The following CBLB variants were observed in gnomAD, a reference collection of about 807,000 sequenced individuals.
CBLB encodes the protein Cbl proto-oncogene B.
A neutral mutation model predicts 104.9 loss-of-function variants in CBLB; 31 were observed. The observed-to-expected ratio is 0.30, with a 90% CI of 0.22 to 0.40. The LOEUF (loss-of-function observed/expected upper bound fraction) is 0.40, where lower values mean the gene tolerates loss of function less well. Ranked by LOEUF, CBLB falls within the 10% of genes least tolerant of loss-of-function variation. The probability of loss-of-function intolerance (pLI) is 1.00; values close to 1 mark genes in which losing one functional copy is unlikely to be tolerated. For synonymous variants in CBLB, 440 were observed against 422.6 expected (o/e 1.04, Z -0.51); for missense variants, 1,062 against 1,214.6 (o/e 0.87, Z 1.87).
intron 8 of CBLB, among the ~76,000 whole-genome samples, chr3:105,735,658 A>T (rs2074839383): frequency 6.6e-6 from 1 of 152,206 alleles, no homozygotes; most frequent in South Asian, 2.1e-4. Flanking sequence ...TAAATTTAAA[A>T]TGGCAATCAT....
chr3:105,782,336 C>A (rs1238750155), intron 3 of CBLB, among the ~76,000 whole-genome samples: 1 of 152,170 alleles, frequency 6.6e-6, no homozygotes, highest in Admixed American at 6.5e-5. Flanking sequence ...GAAACACAGG[C>A]AGGACAATTT....
chr3:105,805,327 G>C (rs2083369475), intron 3 of CBLB, among the ~76,000 whole-genome samples: 2 of 148,786 alleles, frequency 1.3e-5, no homozygotes, highest in African/African-American at 5.0e-5. Context: ...TTTTGAGAGG[G>C]AGTCTCACCC....
At chr3:105,659,774 C>A (rs928003505) in intron 18 of CBLB, among the ~76,000 whole-genome samples, 5 of 151,952 alleles carry the variant, frequency 3.3e-5, no homozygotes, top group Non-Finnish European at 5.9e-5. Context: ...ATTTTCCTAG[C>A]TGATTTTTCA....
intron 4 of CBLB, among the ~76,000 whole-genome samples, chr3:105,754,702 C>G (rs572802554): frequency 6.6e-6 from 1 of 152,258 alleles, no homozygotes; most frequent in African/African-American, 2.4e-5. Flanking sequence ...AAGTAACTGT[C>G]AATCTACAAA....
At chr3:105,852,110 T>C (rs2091017293) in intron 3 of CBLB, among the ~76,000 whole-genome samples, 1 of 152,228 alleles carries the variant, frequency 6.6e-6, no homozygotes, top group Non-Finnish European at 1.5e-5. Context: ...AGGGTATTCC[T>C]TCTACTTATT....
chr3:105,679,772 CAAA>C (rs35237641), intron 16 of CBLB, among the ~76,000 whole-genome samples: 3 of 145,278 alleles, frequency 2.1e-5, no homozygotes, highest in Non-Finnish European at 1.5e-5. Flanking sequence ...AAGACTGTCT[CAAA>C]AAAAAAAAAA....
At chr3:105,660,885 T>C (rs1279059841) in intron 18 of CBLB, among the ~76,000 whole-genome samples, 2 of 151,982 alleles carry the variant, frequency 1.3e-5, no homozygotes, top group Non-Finnish European at 2.9e-5. Flanking sequence ...TATACAATTA[T>C]AGCAATATCA....
In CBLB at chr3:105,797,089, T is replaced by C. The variant is rs184193741; in HGVS notation, c.420-20547A>G. 3.8e-3 allele frequency among the ~76,000 whole-genome samples: 573 copies of C among 152,328 alleles called. 1 individual carries two copies. The highest frequency in any genetic ancestry group is 7.3e-3 in the Admixed American group (111 of 15,296). Reference sequence around the variant, plus strand: ...CCCAGCAATTCCATTATTGTGTATATACCCAAAGGAATATAAATCATTCTA... The same window carrying C: ...CCCAGCAATTCCATTATTGTGTATACACCCAAAGGAATATAAATCATTCTA... On this transcript the variant is annotated intron_variant, in intron 3 of 18. Transcript: ENST00000394030.
intron 13 of CBLB, among the ~76,000 whole-genome samples, chr3:105,692,867 A>G (rs2067882592): frequency 6.7e-6 from 1 of 149,790 alleles, no homozygotes; most frequent in Admixed American, 6.8e-5. Flanking sequence ...GAAGATATCA[A>G]TGAGAGATAT....
At chr3:105,842,230 C>A (rs1334323136) in intron 3 of CBLB, among the ~76,000 whole-genome samples, 1 of 152,126 alleles carries the variant, frequency 6.6e-6, no homozygotes, top group African/African-American at 2.4e-5. Flanking sequence ...AAGTGATGAC[C>A]CCTTGCCTAA....
intron 3 of CBLB, among the ~76,000 whole-genome samples, chr3:105,784,144 T>G (rs188491457): frequency 2.0e-5 from 3 of 152,336 alleles, no homozygotes; most frequent in African/African-American, 7.2e-5. Flanking sequence ...GGAAAACTCT[T>G]TATCTTTAGT....
chr3:105,869,062 C>A (rs1008614676), upstream of CBLB: 27 of 289,632 alleles, frequency 9.3e-5, 2 homozygotes, highest in East Asian at 6.6e-4. Context: ...CGGGGCGGGG[C>A]GGGGGCGGGG....
chr3:105,765,659 T>C (rs774179314), intron 4 of CBLB, among the ~76,000 whole-genome samples: 1 of 152,196 alleles, frequency 6.6e-6, no homozygotes, highest in African/African-American at 2.4e-5. Flanking sequence ...CTACTCTTCC[T>C]GTGCTCTACA....
At chr3:105,728,558 G>T (rs2073952406) in intron 9 of CBLB, among the ~76,000 whole-genome samples, 1 of 152,118 alleles carries the variant, frequency 6.6e-6, no homozygotes, top group African/African-American at 2.4e-5. Flanking sequence ...CCTCACAAAG[G>T]AAGATGTGCA....
Position 105,658,130 on chromosome 3 carries a change from G to A in CBLB, c.*840C>T, listed in dbSNP as rs943314875. 6.0e-5 allele frequency: 13 copies of A among 217,134 alleles called. No individual in the cohort carries two copies. Among genetic ancestry groups the A allele is most frequent in the Non-Finnish European group, 1.2e-4 (13 of 107,882 alleles). 13.5% of individuals were successfully genotyped at this position (217,134 alleles called of 1,614,324 possible). ...CAGTACAGCATTGTCTTATACAAGT[G>A]TTCTCTCTTCCACATCTGTAGTAGC... On this transcript the variant is annotated 3_prime_UTR_variant, in exon 19 of 19. Coordinates refer to ENST00000394030, the MANE Select transcript of CBLB (RefSeq NM_170662.5).
At chr3:105,788,320 T>A (rs1484203958) in intron 3 of CBLB, among the ~76,000 whole-genome samples, 1 of 152,000 alleles carries the variant, frequency 6.6e-6, no homozygotes, top group East Asian at 1.9e-4. Flanking sequence ...TTGAAGGTAA[T>A]ATATTACAAC....
chr3:105,688,453 A>T (rs2067271174), intron 13 of CBLB, among the ~76,000 whole-genome samples: 1 of 152,060 alleles, frequency 6.6e-6, no homozygotes, highest in African/African-American at 2.4e-5. Context: ...ACCAAGAAAC[A>T]AGTGAATTTT....
intron 17 of CBLB, 52 bp downstream of exon 17, chr3:105,678,379 T>G (rs2065899334): frequency 1.3e-6 from 2 of 1,551,182 alleles, no homozygotes; most frequent in Non-Finnish European, 1.8e-6. Flanking sequence ...AGTATGGTTT[T>G]GGAAATATTT....
intron 9 of CBLB, among the ~76,000 whole-genome samples, chr3:105,721,950 A>G (rs1268893321): frequency 6.6e-6 from 1 of 152,174 alleles, no homozygotes. Context: ...ACAGATTTAC[A>G]TAAGACAATT....
Sources: gnomAD v4.1 joint callset for allele counts (sites outside exome capture counted in the v4.1 genomes callset) on GRCh38, gnomAD v4.1.1 for gene constraint, MANE v1.5 for transcripts, NCBI Gene and HGNC (gene_info 2026-07-23, HGNC 2026-07-21) for gene names.